The following CSTF3 variants were observed in gnomAD, a reference collection of about 807,000 sequenced individuals.
CSTF3 encodes CF-1 77 kDa subunit.
Under a neutral mutation model 105.8 loss-of-function variants are expected in CSTF3, and 29 were observed. The observed-to-expected ratio is 0.27, with a 90% confidence interval of 0.20 to 0.37. The LOEUF (loss-of-function observed/expected upper bound fraction) is 0.37. CSTF3 is among the 10% of genes least tolerant of loss of function. The probability of loss-of-function intolerance (pLI) is 1.00; values close to 1 mark genes in which losing one functional copy is unlikely to be tolerated. For missense variants in CSTF3, 357 were observed against 879.3 expected (o/e 0.41, Z 7.51); for synonymous variants, 252 against 281.9 (o/e 0.89, Z 1.06).
chr11:33,119,303 TCTTA>T (rs750006195), intron 3 of CSTF3, among the ~76,000 whole-genome samples: 28 of 151,862 alleles, frequency 1.8e-4, no homozygotes, highest in Non-Finnish European at 3.1e-4. Flanking sequence ...ATACTATTTC[TCTTA>T]CTTAATTTTC....
intron 5 of CSTF3, 118 bp from the exon 6 acceptor site, chr11:33,106,182 G>A (rs1322244193): frequency 4.3e-6 from 3 of 704,254 alleles, no homozygotes; most frequent in African/African-American, 3.6e-5. Flanking sequence ...GGCCGAGGCA[G>A]AAGGATCACT....
At chr11:33,114,124 AAATT>A (rs1454733614) in intron 3 of CSTF3, among the ~76,000 whole-genome samples, 2 of 152,214 alleles carry the variant, frequency 1.3e-5, no homozygotes, top group Admixed American at 1.3e-4. Flanking sequence ...GGTTAAAACA[AAATT>A]AATTACTTAA....
At chr11:33,090,268 C>T (rs753097894) in intron 17 of CSTF3, among the ~76,000 whole-genome samples, 19 of 152,124 alleles carry the variant, frequency 1.2e-4, no homozygotes, top group Non-Finnish European at 2.4e-4. Context: ...CCATCTTGCC[C>T]ACCAGATATA....
At chr11:33,110,593 C>G (rs1381099587) in intron 3 of CSTF3, among the ~76,000 whole-genome samples, 1 of 152,106 alleles carries the variant, frequency 6.6e-6, no homozygotes, top group Non-Finnish European at 1.5e-5. Context: ...CACAACTGGT[C>G]AGGAAAACCA....
intron 16 of CSTF3, among the ~76,000 whole-genome samples, chr11:33,092,024 T>C (rs566888133): frequency 5.9e-5 from 9 of 152,300 alleles, no homozygotes; most frequent in South Asian, 2.1e-4. Context: ...TAGGGATATA[T>C]AGTATACAAG....
intron 3 of CSTF3, among the ~76,000 whole-genome samples, chr11:33,135,594 A>G (rs1466454098): frequency 6.6e-6 from 1 of 152,146 alleles, no homozygotes; most frequent in Non-Finnish European, 1.5e-5. Flanking sequence ...GATTTAGTTT[A>G]CTCACATATA....
rs369970743 is a variant in CSTF3, at chr11:33,086,023, A to C, written c.1796-34T>G. On this transcript the variant is annotated intron_variant, in intron 18 of 20. Coordinates refer to ENST00000323959, the MANE Select transcript of CSTF3 (RefSeq NM_001326.3). ...AAAAGAAAAGTATGAATCAAGTGGA[A>C]TGGAAGAATTTCTACACAGAGCTAA... 3.0e-6 allele frequency: 4 copies of C among 1,341,478 alleles called. No individual in the cohort carries two copies. The African/African-American group carries it at 4.4e-5, about 15-fold the overall frequency. 83.1% of individuals were successfully genotyped at this position (1,341,478 alleles called of 1,614,324 possible). A position where few individuals can be genotyped will look rare whatever the true frequency, so the allele number is the denominator to read the frequency against.
intron 3 of CSTF3, among the ~76,000 whole-genome samples, chr11:33,136,994 A>G (rs1855660902): frequency 6.6e-6 from 1 of 151,880 alleles, no homozygotes; most frequent in Non-Finnish European, 1.5e-5. Flanking sequence ...TTGTTTCACC[A>G]TTAATTTTAG....
chr11:33,130,933 G>A (rs1202977019), intron 3 of CSTF3, among the ~76,000 whole-genome samples: 1 of 152,196 alleles, frequency 6.6e-6, no homozygotes, highest in African/African-American at 2.4e-5. Flanking sequence ...GGAGGCTGAG[G>A]TGGGAGGATC....
Position 33,114,498 on chromosome 11 carries a change from G to A in CSTF3, c.226-6080C>T, listed in dbSNP as rs554488046. On this transcript the variant is annotated intron_variant, in intron 3 of 20. Transcript: ENST00000323959. The stretch of plus-strand genomic sequence containing the variant: ...TAAAGTCAAAAGTTTTAAAAAGTAC[G>A]CTGTTTTTAAAATCACCAGTTATAA... Among the ~76,000 whole-genome samples, 6 of 152,112 alleles carry A rather than the reference G, an allele frequency of 3.9e-5. 1 individual carries two copies. The highest frequency in any genetic ancestry group is 2.6e-4 in the Admixed American group (4 of 15,260).
chr11:33,103,118 G>T lies in CSTF3; in HGVS notation c.652C>A (p.Arg218Ser). ...DRSRDYMNAR[R>S]VAKEYETVMK... ...ATGGAATTCCATACCTTTGCTACAC[G>T]TCTAGCATTCATATAATCTCTACTC... The change falls in exon 9 of 21, where the codon CGT becomes AGT. Residue 218 changes from arginine to serine, a missense_variant. Arg to Ser is a moderately radical substitution (Grantham distance 110). Around this residue, in one of 4 missense-constraint regions of CSTF3, gnomAD observed 206 missense variants for 576.5 expected, o/e 0.36. Coordinates refer to ENST00000323959, the MANE Select transcript of CSTF3 (RefSeq NM_001326.3). 6.4e-7 allele frequency: 1 copy of T among 1,564,900 alleles called. No individual in the cohort carries two copies. Among genetic ancestry groups the T allele is most frequent in the Non-Finnish European group, 8.7e-7 (1 of 1,154,080 alleles).
rs188891470 is a variant in CSTF3, at chr11:33,126,263, G to A, written c.225+15404C>T. On this transcript the variant is annotated intron_variant, in intron 3 of 20. Coordinates refer to ENST00000323959, the MANE Select transcript of CSTF3 (RefSeq NM_001326.3). ...TTGCTTGAGCCCGAGTTCAAGACTA[G>A]GCTGGGCAACTTAAGACCTTGTCTC... is the stretch of plus-strand genomic sequence containing the variant. 8.1e-3 allele frequency among the ~76,000 whole-genome samples: 1,228 copies of A among 152,158 alleles called. 4 individuals are homozygous for A. Among genetic ancestry groups the A allele is most frequent in the Non-Finnish European group, 0.012 (846 of 67,978 alleles).
In CSTF3 at chr11:33,161,415, G is replaced by A; in HGVS notation, c.-90C>T. On this transcript the variant is annotated 5_prime_UTR_variant, in exon 1 of 21. Coordinates refer to ENST00000323959, the MANE Select transcript of CSTF3 (RefSeq NM_001326.3). Reference sequence around the variant, plus strand: ...TAAAAACCACCCCCAAATCAGTAAAGTTACCCCCTGCCCAGCTGAGCCAGA... The same window carrying A: ...TAAAAACCACCCCCAAATCAGTAAAATTACCCCCTGCCCAGCTGAGCCAGA... The A allele has an allele frequency of 7.0e-7, 1 of 1,421,792 alleles. No individual in the cohort carries two copies. Among genetic ancestry groups the A allele is most frequent in the East Asian group, 2.3e-5 (1 of 43,682 alleles). 88.1% of individuals were successfully genotyped at this position (1,421,792 alleles called of 1,614,324 possible). A position where few individuals can be genotyped will look rare whatever the true frequency, so the allele number is the denominator to read the frequency against.
rs779665439 is a variant in CSTF3, at chr11:33,160,067, AC to A, written c.27+1231del. On this transcript the variant is annotated intron_variant, in intron 1 of 20. Coordinates refer to ENST00000323959, the MANE Select transcript of CSTF3 (RefSeq NM_001326.3). Reference sequence around the variant, plus strand: ...ATGAATTTCGAAAACTTTCAATGAAACCTCAGTTCATTAGTCCTTCACTTTC... The same window carrying A: ...ATGAATTTCGAAAACTTTCAATGAAACTCAGTTCATTAGTCCTTCACTTTC... Among the ~76,000 whole-genome samples the A allele has an allele frequency of 1.4e-4, 21 of 151,962 alleles. No homozygotes were observed. In the East Asian group the frequency reaches 2.1e-3, roughly 15 times the overall value.
At chr11:33,085,678 G>A (rs1855097899) in intron 20 of CSTF3, 35 bp downstream of exon 20, 1 of 1,550,262 alleles carries the variant, frequency 6.5e-7, no homozygotes, top group Non-Finnish European at 8.9e-7. Flanking sequence ...CAACAACGTG[G>A]AATGACACTC....
At chr11:33,098,886 T>C in intron 12 of CSTF3, 122 bp from the exon 13 acceptor site, 12 of 1,305,954 alleles carry the variant, frequency 9.2e-6, no homozygotes, top group South Asian at 3.2e-5. Context: ...AGCATAAATA[T>C]AGTATAAGCT....
chr11:33,146,872 A>G (rs1041656756), intron 1 of CSTF3, among the ~76,000 whole-genome samples: 1 of 152,182 alleles, frequency 6.6e-6, no homozygotes, highest in Admixed American at 6.5e-5. Context: ...AAAAAAATTA[A>G]AAGAAATTTT....
At chr11:33,153,183 G>A (rs982115655) in intron 1 of CSTF3, among the ~76,000 whole-genome samples, 6 of 151,762 alleles carry the variant, frequency 4.0e-5, no homozygotes, top group East Asian at 1.9e-4. Context: ...TGGCTGAATA[G>A]AAGACATTAT....
chr11:33,159,695 G>C (rs576534126), intron 1 of CSTF3, among the ~76,000 whole-genome samples: 5 of 151,586 alleles, frequency 3.3e-5, no homozygotes, highest in African/African-American at 9.7e-5. Flanking sequence ...ATCACAGAGC[G>C]CAGGGAGGTC....
Sources: gnomAD v4.1 joint callset for allele counts (sites outside exome capture counted in the v4.1 genomes callset) on GRCh38, gnomAD v4.1.1 for gene constraint, gnomAD v4.1.1 regional missense constraint, MANE v1.5 for transcripts, NCBI Gene and HGNC (gene_info 2026-07-23, HGNC 2026-07-21) for gene names.